Variants in GPR89A observed in about 807,000 individuals in gnomAD.
GPR89A encodes G protein-coupled receptor 89A.
A neutral mutation model predicts 52.0 loss-of-function variants in GPR89A; 16 were observed. The observed-to-expected ratio is 0.31, with a 90% confidence interval of 0.21 to 0.47. The LOEUF is 0.47. GPR89A is among the 20% of genes least tolerant of loss of function. The pLI is 1.00. For synonymous variants in GPR89A, 55 were observed against 150.9 expected, an observed-to-expected ratio of 0.36 and a Z score of 4.66; for missense variants, 135 against 449.4, an observed-to-expected ratio of 0.30 and a Z score of 6.33.
At chr1:145,657,467 G>A (rs1382056498) in intron 10 of GPR89A, among the ~76,000 whole-genome samples, 6 of 150,906 alleles carry the variant, frequency 4.0e-5, no homozygotes, top group African/African-American at 1.2e-4. Context: ...TCTTTATTTG[G>A]TTTTGGTGTC....
chr1:145,643,226 T>C (rs1480342268), intron 7 of GPR89A, among the ~76,000 whole-genome samples: 8 of 152,064 alleles, frequency 5.3e-5, no homozygotes, highest in Admixed American at 2.0e-4. Flanking sequence ...CGTGCAGTGG[T>C]GTGATCTCAG....
At chr1:145,637,673 A>G (rs1650342767) in intron 7 of GPR89A, among the ~76,000 whole-genome samples, 1 of 151,764 alleles carries the variant, frequency 6.6e-6, no homozygotes, top group African/African-American at 2.4e-5. Flanking sequence ...ACATTTAACA[A>G]AGACTTGAAA....
At chr1:145,619,483 A>G (rs192182432) in intron 3 of GPR89A, among the ~76,000 whole-genome samples, 15 of 151,884 alleles carry the variant, frequency 9.9e-5, no homozygotes, top group Non-Finnish European at 1.8e-4. Flanking sequence ...GTGGTAGTAC[A>G]CGTCTGTAGT....
chr1:145,635,589 C>T (rs1457423280), intron 7 of GPR89A, among the ~76,000 whole-genome samples: 1 of 152,114 alleles, frequency 6.6e-6, no homozygotes, highest in Non-Finnish European at 1.5e-5. Flanking sequence ...CAAGATTATT[C>T]AAAAGTGAAA....
At chr1:145,617,370 C>T (rs1374424558) in intron 2 of GPR89A, among the ~76,000 whole-genome samples, 2 of 152,078 alleles carry the variant, frequency 1.3e-5, no homozygotes, top group Non-Finnish European at 2.9e-5. Context: ...TTTCAGGGTG[C>T]ACTAATTTCA....
intron 1 of GPR89A, chr1:145,608,380 C>G (rs1553685424): frequency 6.2e-6 from 6 of 973,944 alleles, no homozygotes; most frequent in Middle Eastern, 3.2e-4. Flanking sequence ...CTGCGGCCGT[C>G]CGCGTCCCCA....
chr1:145,663,234 A>G, intron 10 of GPR89A, 95 bp from the exon 11 acceptor site: 1 of 1,603,418 alleles, frequency 6.2e-7, no homozygotes, highest in Non-Finnish European at 8.5e-7. Flanking sequence ...GACCTGTAAG[A>G]TATGTTACAG....
At chr1:145,609,593 T>C (rs1553685761) in intron 1 of GPR89A, among the ~76,000 whole-genome samples, 2 of 152,228 alleles carry the variant, frequency 1.3e-5, no homozygotes. Context: ...AATAACAATA[T>C]TTAATTAGCT....
At chr1:145,625,932 G>A (rs1364377128) in intron 5 of GPR89A, among the ~76,000 whole-genome samples, 8 of 150,636 alleles carry the variant, frequency 5.3e-5, no homozygotes, top group Admixed American at 5.3e-4. Flanking sequence ...TGTGGAAACT[G>A]ACACATAACA....
rs782471077 is a variant in GPR89A at position 145,608,125 on chromosome 1, C to G, written c.-9C>G. 1.9e-6 allele frequency: 3 copies of G among 1,613,696 alleles called. No homozygotes were observed. Among genetic ancestry groups the G allele is most frequent in the Non-Finnish European group, 2.5e-6 (3 of 1,179,836 alleles). On this transcript the variant is annotated 5_prime_UTR_variant, in exon 1 of 14. Coordinates refer to ENST00000313835, the MANE Select transcript of GPR89A (RefSeq NM_001097612.2). ...GAAGTGGAGGCAGGAGCCTTCCTTA[C>G]ACTTCGCCATGAGTTTCCTCATCGA...
At chr1:145,612,472 T>TA (rs1335990721) in intron 1 of GPR89A, among the ~76,000 whole-genome samples, 3 of 151,982 alleles carry the variant, frequency 2.0e-5, no homozygotes, top group South Asian at 4.2e-4. Flanking sequence ...AAATAATATT[T>TA]AAAAAAAAGC....
At chr1:145,646,059 A>G in intron 8 of GPR89A, 125 bp from the exon 9 acceptor site, 8 of 1,460,154 alleles carry the variant, frequency 5.5e-6, no homozygotes, top group Non-Finnish European at 7.7e-6. Context: ...TGGCTATGAA[A>G]CAGGAAATTG....
At chr1:145,643,081 AAAG>A (rs1553691985) in intron 7 of GPR89A, among the ~76,000 whole-genome samples, 1 of 142,420 alleles carries the variant, frequency 7.0e-6, no homozygotes, top group African/African-American at 2.6e-5. Context: ...TGCCTTTGAA[AAAG>A]AAGGAAGAAA....
intron 5 of GPR89A, among the ~76,000 whole-genome samples, chr1:145,625,296 C>G (rs1257894202): frequency 1.4e-5 from 2 of 143,894 alleles, no homozygotes; most frequent in Non-Finnish European, 3.0e-5. Flanking sequence ...GGCTGCTGCT[C>G]TCTATACATG....
At chr1:145,642,596 T>C (rs1340910837) in intron 7 of GPR89A, among the ~76,000 whole-genome samples, 19 of 152,314 alleles carry the variant, frequency 1.2e-4, no homozygotes, top group Non-Finnish European at 4.4e-5. Context: ...ATTTCACCCA[T>C]AGAAATATCA....
At chr1:145,649,026 G>T (rs868960664) in intron 10 of GPR89A, among the ~76,000 whole-genome samples, 33 of 149,386 alleles carry the variant, frequency 2.2e-4, no homozygotes, top group African/African-American at 8.1e-4. Flanking sequence ...GGATGGTCTC[G>T]ATCTCCTGAC....
intron 2 of GPR89A, 55 bp downstream of exon 2, chr1:145,616,348 A>G (rs1553687026): frequency 7.0e-7 from 1 of 1,438,054 alleles, no homozygotes; most frequent in Non-Finnish European, 9.6e-7. Flanking sequence ...TTGACAAGAA[A>G]AATGTCTCCA....
intron 7 of GPR89A, among the ~76,000 whole-genome samples, chr1:145,636,406 A>G (rs1354352814): frequency 6.8e-6 from 1 of 146,468 alleles, no homozygotes; most frequent in African/African-American, 2.6e-5. Flanking sequence ...CCAGAAAACC[A>G]TCTTTCACCT....
Position 145,626,741 on chromosome 1 carries a change from G to A in GPR89A, c.415+3027G>A, listed in dbSNP as rs587759976. Among the ~76,000 whole-genome samples, 3 of 151,746 alleles carry A rather than the reference G, an allele frequency of 2.0e-5. No individual in the cohort carries two copies. The South Asian group carries it at 6.3e-4, about 32-fold the overall frequency. ...AAGGCAGGGATATCACTTGAGGCCA[G>A]GAGTTAGAGACCAGCCTGGCCAACA... On this transcript the variant is annotated intron_variant, in intron 5 of 13. Transcript: ENST00000313835.
Sources: gnomAD v4.1 joint callset for allele counts (sites outside exome capture counted in the v4.1 genomes callset) on GRCh38, gnomAD v4.1.1 for gene constraint, MANE v1.5 for transcripts, NCBI Gene and HGNC (gene_info 2026-07-23, HGNC 2026-07-21) for gene names.